The following SPATA12 variants were observed in gnomAD, a reference collection of about 807,000 sequenced individuals.
SPATA12 encodes spermatogenesis-associated protein 12.
For missense variants in SPATA12, 219 were observed against 226.4 expected (o/e 0.97, Z 0.21); for synonymous variants, 85 against 89.2 (o/e 0.95, Z 0.26).
At chr3:57,066,323 A>G (rs1427212913) in intron 1 of SPATA12, among the ~76,000 whole-genome samples, 5 of 150,584 alleles carry the variant, frequency 3.3e-5, no homozygotes, top group East Asian at 1.9e-4. Context: ...GTACAGTGGC[A>G]TGATCTTGGC....
chr3:57,061,425 A>C (rs536089174), intron 1 of SPATA12, among the ~76,000 whole-genome samples: 1 of 152,338 alleles, frequency 6.6e-6, no homozygotes, highest in East Asian at 1.9e-4. Flanking sequence ...GGCCTCCCAA[A>C]GTGCCAGCAT....
intron 1 of SPATA12, among the ~76,000 whole-genome samples, chr3:57,061,350 T>A (rs1705214423): frequency 6.6e-6 from 1 of 152,048 alleles, no homozygotes; most frequent in South Asian, 2.1e-4. Flanking sequence ...CAGGCAGGAG[T>A]ACAGTGGCAC....
At chr3:57,067,247 C>T (rs1276645015) in intron 1 of SPATA12, among the ~76,000 whole-genome samples, 3 of 151,654 alleles carry the variant, frequency 2.0e-5, no homozygotes, top group Admixed American at 6.6e-5. Context: ...GTCAGGAGAT[C>T]GAGACTATCC....
At position 57,074,316 on chromosome 3, in the gene SPATA12, G is replaced by A. The variant is rs766099437; in HGVS notation, c.*49G>A. 6 of 1,539,212 alleles carry A rather than the reference G, an allele frequency of 3.9e-6. No individual in the cohort carries two copies. The highest frequency in any genetic ancestry group is 2.4e-5 in the South Asian group (2 of 83,632). On this transcript the variant is annotated 3_prime_UTR_variant, in exon 2 of 2. Coordinates refer to ENST00000334325, the MANE Select transcript of SPATA12 (RefSeq NM_181727.2). ...GAGAGTCTGGCAGCTGTTTGTCTGG[G>A]CCTTTGCACATGCTATGCCCTCCCT... is the stretch of plus-strand genomic sequence containing the variant.
In SPATA12 at chr3:57,073,860, G is replaced by T; in HGVS notation, c.166G>T (p.Gly56Cys). 1 of 1,614,196 alleles carries T rather than the reference G, an allele frequency of 6.2e-7. No individual in the cohort carries two copies. The highest frequency in any genetic ancestry group is 8.5e-7 in the Non-Finnish European group (1 of 1,180,044). ...KPHCALASCQGPGVLPGAASA... is the reference protein window; with the variant it reads ...KPHCALASCQCPGVLPGAASA... The stretch of plus-strand genomic sequence containing the variant: ...CCACTGTGCACTGGCATCATGCCAG[G>T]GTCCAGGTGTCCTGCCAGGAGCAGC... The change falls in exon 2 of 2, where the codon GGT becomes TGT. Residue 56 changes from glycine to cysteine, a missense_variant. Physicochemically the swap from Gly to Cys is radical, Grantham distance 159. Coordinates refer to ENST00000334325, the MANE Select transcript of SPATA12 (RefSeq NM_181727.2).
intron 1 of SPATA12, among the ~76,000 whole-genome samples, chr3:57,070,223 T>C (rs1169862759): frequency 6.6e-6 from 1 of 152,176 alleles, no homozygotes; most frequent in African/African-American, 2.4e-5. Context: ...GGGAGTATCT[T>C]AGAGATCTCC....
rs2107412590 is a variant in SPATA12 at position 57,073,367 on chromosome 3, CA to C, written c.-324del. The C allele has an allele frequency of 7.6e-6, 2 of 264,180 alleles. No homozygotes were observed. Among genetic ancestry groups the C allele is most frequent in the African/African-American group, 2.2e-5 (1 of 45,242 alleles). 16.4% of individuals were successfully genotyped at this position (264,180 alleles called of 1,614,324 possible). The stretch of plus-strand genomic sequence containing the variant: ...AGGATTTCTTATTTATGTTTCTAGC[CA>C]AAAGGGAAGGAAAGAGAGAGAAAGC... On this transcript the variant is annotated splice_region_variant and 5_prime_UTR_variant, in exon 2 of 2. Transcript: ENST00000334325.
At chr3:57,061,880 GA>G (rs1705240351) in intron 1 of SPATA12, among the ~76,000 whole-genome samples, 1 of 152,192 alleles carries the variant, frequency 6.6e-6, no homozygotes, top group Non-Finnish European at 1.5e-5. Flanking sequence ...CTCCTTCTCA[GA>G]TGGCAGCATC....
chr3:57,074,590 T>G lies in SPATA12; in HGVS notation c.*323T>G, dbSNP rs765167486. 3.5e-6 allele frequency: 1 copy of G among 288,526 alleles called. No individual in the cohort carries two copies. The highest frequency in any genetic ancestry group is 4.8e-5 in the Admixed American group (1 of 20,794). 17.9% of individuals were successfully genotyped at this position (288,526 alleles called of 1,614,324 possible). ...ATCAATCGATCAATCAATGAAAGAG[T>G]GGGAGGCATGCATCTCCTGATCCCC... is the stretch of plus-strand genomic sequence containing the variant. On this transcript the variant is annotated 3_prime_UTR_variant, in exon 2 of 2. Coordinates refer to ENST00000334325, the MANE Select transcript of SPATA12 (RefSeq NM_181727.2).
chr3:57,064,787 G>T (rs944745348), intron 1 of SPATA12, among the ~76,000 whole-genome samples: 2 of 152,190 alleles, frequency 1.3e-5, no homozygotes, highest in African/African-American at 4.8e-5. Context: ...CTAGGGGCAG[G>T]GGGGAATGGG....
intron 1 of SPATA12, among the ~76,000 whole-genome samples, chr3:57,062,403 C>A (rs995081000): frequency 3.9e-5 from 6 of 152,180 alleles, no homozygotes; most frequent in Non-Finnish European, 8.8e-5. Flanking sequence ...ATAGGCCCAG[C>A]CAGGACCACA....
chr3:57,070,873 G>A (rs1055240295), intron 1 of SPATA12, among the ~76,000 whole-genome samples: 1 of 151,294 alleles, frequency 6.6e-6, no homozygotes, highest in Non-Finnish European at 1.5e-5. Flanking sequence ...TTGGGAGGCT[G>A]AGGTGGGAGG....
Position 57,074,441 on chromosome 3 carries a change from A to T in SPATA12, c.*174A>T, listed in dbSNP as rs1560181130. The T allele has an allele frequency of 3.2e-6, 2 of 616,254 alleles. No individual in the cohort carries two copies. Among genetic ancestry groups the T allele is most frequent in the South Asian group, 4.1e-5 (2 of 48,592 alleles). The allele number at this position is 616,254 out of a possible 1,614,324, so 38.2% of individuals were successfully genotyped here. ...GAAGCCTCCCTGTCACACTTCCCCAATATCACAGATGAAGAAATCAAGATT... is the reference window on the plus strand; with the variant it reads ...GAAGCCTCCCTGTCACACTTCCCCATTATCACAGATGAAGAAATCAAGATT... On this transcript the variant is annotated 3_prime_UTR_variant, in exon 2 of 2. Coordinates refer to ENST00000334325, the MANE Select transcript of SPATA12 (RefSeq NM_181727.2).
chr3:57,065,105 G>A lies in SPATA12; in HGVS notation c.-330+4319G>A, dbSNP rs1184704509. ...TGTTTTTAAGTTGGGAGAAATAACTGCATGTTTATTTGCTGATGGGACCAA... is the reference window on the plus strand; with the variant it reads ...TGTTTTTAAGTTGGGAGAAATAACTACATGTTTATTTGCTGATGGGACCAA... On this transcript the variant is annotated intron_variant, in intron 1 of 1. Coordinates refer to ENST00000334325, the MANE Select transcript of SPATA12 (RefSeq NM_181727.2). 2.0e-5 allele frequency among the ~76,000 whole-genome samples: 3 copies of A among 152,232 alleles called. No homozygotes were observed. The East Asian group carries it at 5.8e-4, about 29-fold the overall frequency.
Position 57,074,010 on chromosome 3 carries a change from T to A in SPATA12, c.316T>A (p.Ser106Thr), listed in dbSNP as rs200666323. ...CCAAATAAATCTTCTGGGAAGACCC[T>A]CTTCACCTCCAGCTCTCCTGATACA... ...VSQINLLGRPSSPPALLIQQG... is the reference protein window; with the variant it reads ...VSQINLLGRPTSPPALLIQQG... The change falls in exon 2 of 2, where the codon TCT becomes ACT. Residue 106 changes from serine to threonine, a missense_variant. Ser to Thr is a moderately conservative substitution (Grantham distance 58). Coordinates refer to ENST00000334325, the MANE Select transcript of SPATA12 (RefSeq NM_181727.2). 52 of 1,614,200 alleles carry A rather than the reference T, an allele frequency of 3.2e-5. No homozygotes were observed. The highest frequency in any genetic ancestry group is 4.3e-5 in the Non-Finnish European group (51 of 1,180,018).
At chr3:57,063,086 T>C (rs1705319798) in intron 1 of SPATA12, among the ~76,000 whole-genome samples, 1 of 152,122 alleles carries the variant, frequency 6.6e-6, no homozygotes, top group African/African-American at 2.4e-5. Context: ...CAGGGAAGGC[T>C]GAAGGAAATG....
rs1472887394 is a variant in SPATA12 at position 57,074,540 on chromosome 3, T to C, written c.*273T>C. 2.3e-6 allele frequency: 1 copy of C among 434,906 alleles called. No individual in the cohort carries two copies. The highest frequency in any genetic ancestry group is 2.0e-5 in the African/African-American group (1 of 50,296). 26.9% of individuals were successfully genotyped at this position (434,906 alleles called of 1,614,324 possible). On this transcript the variant is annotated 3_prime_UTR_variant, in exon 2 of 2. Transcript: ENST00000334325. Reference sequence around the variant, plus strand: ...CTCTTAGCCCCCGGGGAACCTTCACTGTATTAAATGACATCAATTGATCAA... The same window carrying C: ...CTCTTAGCCCCCGGGGAACCTTCACCGTATTAAATGACATCAATTGATCAA...
At chr3:57,068,461 G>A (rs1682883201) in intron 1 of SPATA12, among the ~76,000 whole-genome samples, 2 of 152,198 alleles carry the variant, frequency 1.3e-5, no homozygotes, top group East Asian at 1.9e-4. Flanking sequence ...CAATTCTCTC[G>A]CCTCAAAAGG....
At position 57,073,480 on chromosome 3, in the gene SPATA12, T is replaced by C. The variant is rs543617026; in HGVS notation, c.-215T>C. On this transcript the variant is annotated 5_prime_UTR_variant, in exon 2 of 2. It removes the in-frame stop codon of an upstream open reading frame in the 5' UTR. Coordinates refer to ENST00000334325, the MANE Select transcript of SPATA12 (RefSeq NM_181727.2). ...AGTGGAAACAGCAGAAGCAAAGATG[T>C]GAACATGGGAAAACCTCTGCAGTAT... The C allele has an allele frequency of 2.0e-4, 130 of 653,574 alleles. 1 individual carries two copies. The South Asian group carries it at 3.1e-3, about 16-fold the overall frequency. The allele number at this position is 653,574 out of a possible 1,614,324, so 40.5% of individuals were successfully genotyped here. A position where few individuals can be genotyped will look rare whatever the true frequency, so the allele number is the denominator to read the frequency against.
Sources: allele counts gnomAD v4.1 joint callset (sites outside exome capture counted in the v4.1 genomes callset), GRCh38; gene constraint gnomAD v4.1.1; transcripts MANE v1.5; gene names NCBI Gene and HGNC (gene_info 2026-07-23, HGNC 2026-07-21).